Variants in CSMD1 observed in about 807,000 individuals in gnomAD.
CSMD1 encodes the protein CUB and sushi domain-containing protein 1.
Under a neutral mutation model 417.5 loss-of-function variants are expected in CSMD1, and 213 were observed. The observed-to-expected ratio is 0.51, with a 90% CI of 0.46 to 0.57. The LOEUF is 0.57. CSMD1 is among the 20% of genes least tolerant of loss of function. The pLI, the probability that CSMD1 is intolerant of heterozygous loss-of-function variation, is 0.00. For missense variants in CSMD1, 6,923 were observed against 4,529.7 expected (o/e 1.53, Z -15.17); for synonymous variants, 2,862 against 1,736.8 (o/e 1.65, Z -16.11).
In CSMD1 at chr8:3,565,979, T is replaced by C. The variant is rs1346895608; in HGVS notation, c.1344+8966A>G. Among the ~76,000 whole-genome samples, 7 of 152,308 alleles carry C rather than the reference T, an allele frequency of 4.6e-5. No individual in the cohort carries two copies. In the South Asian group the frequency reaches 8.3e-4, roughly 18 times the overall value. ...TATACGCATTCTCATGCCATTCCTT[T>C]CATCAATATAATACATTGACACCCC... On this transcript the variant is annotated intron_variant, in intron 10 of 69. Coordinates refer to ENST00000635120, the MANE Select transcript of CSMD1 (RefSeq NM_033225.6).
At chr8:3,418,059 G>T (rs1813268099) in intron 12 of CSMD1, among the ~76,000 whole-genome samples, 5 of 152,126 alleles carry the variant, frequency 3.3e-5, no homozygotes, top group Admixed American at 6.5e-5. Flanking sequence ...GCTTAATTAT[G>T]GTGCTCAGGG....
In CSMD1 at chr8:4,301,395, T is replaced by G. The variant is rs558849897; in HGVS notation, c.415+118558A>C. Among the ~76,000 whole-genome samples, 1,350 of 152,280 alleles carry G rather than the reference T, an allele frequency of 8.9e-3. 17 individuals are homozygous for G. The highest frequency in any genetic ancestry group is 0.011 in the Non-Finnish European group (760 of 68,022). On this transcript the variant is annotated intron_variant, in intron 3 of 69. Coordinates refer to ENST00000635120, the MANE Select transcript of CSMD1 (RefSeq NM_033225.6). ...CTTGGTAGCCAATGCTTTGATTCTG[T>G]TGTGTCTCCAGGATGGTACTGGGAA...
intron 27 of CSMD1, among the ~76,000 whole-genome samples, chr8:3,225,636 C>T (rs1245003279): frequency 2.0e-5 from 3 of 152,082 alleles, no homozygotes; most frequent in Non-Finnish European, 2.9e-5. Flanking sequence ...AGGGTGCTAC[C>T]AGCAGGAAGA....
In CSMD1 at chr8:4,174,541, CAAAAG is replaced by C. The variant is rs530503260; in HGVS notation, c.416-142447_416-142443del. On this transcript the variant is annotated intron_variant, in intron 3 of 69. Transcript: ENST00000635120. The stretch of plus-strand genomic sequence containing the variant: ...ATGACCCCCATGTCCACCCACCTCT[CAAAAG>C]AGATGTTTTTATAAATACTGCATGC... Among the ~76,000 whole-genome samples, 19 of 150,814 alleles carry C rather than the reference CAAAAG, an allele frequency of 1.3e-4. No homozygotes were observed. The East Asian group carries it at 3.8e-3, about 30-fold the overall frequency.
chr8:4,317,965 G>T (rs977163245), intron 3 of CSMD1, among the ~76,000 whole-genome samples: 2 of 152,074 alleles, frequency 1.3e-5, no homozygotes, highest in Non-Finnish European at 2.9e-5. Context: ...AAGGTATTTG[G>T]TATTTTATAA....
In CSMD1 at chr8:3,178,982, C is replaced by G. The variant is rs543557249; in HGVS notation, c.5725+2128G>C. Reference sequence around the variant, plus strand: ...TTTTTTTTTGAGACGGAGTCTCACTCTGTCACCCAGGCTGGAGTGCAGTGG... The same window carrying G: ...TTTTTTTTTGAGACGGAGTCTCACTGTGTCACCCAGGCTGGAGTGCAGTGG... On this transcript the variant is annotated intron_variant, in intron 37 of 69. Transcript: ENST00000635120. Among the ~76,000 whole-genome samples, 795 of 145,842 alleles carry G rather than the reference C, an allele frequency of 5.5e-3. 7 individuals carry two copies. Among genetic ancestry groups the G allele is most frequent in the African/African-American group, 0.019 (738 of 39,174 alleles).
intron 54 of CSMD1, among the ~76,000 whole-genome samples, chr8:2,983,244 T>G (rs988671878): frequency 6.6e-6 from 1 of 152,140 alleles, no homozygotes; most frequent in Admixed American, 6.5e-5. Flanking sequence ...TGGAGTGCAG[T>G]GGCACAATCT....
intron 1 of CSMD1, among the ~76,000 whole-genome samples, chr8:4,905,712 C>T (rs1036778877): frequency 4.2e-4 from 62 of 148,544 alleles, no homozygotes; most frequent in East Asian, 1.7e-3. Context: ...CCCAGCTCCT[C>T]GGGAGGCTGA....
chr8:4,659,807 T>A (rs554239772), intron 1 of CSMD1, among the ~76,000 whole-genome samples: 1 of 152,284 alleles, frequency 6.6e-6, no homozygotes, highest in African/African-American at 2.4e-5. Flanking sequence ...TTCATTTTAA[T>A]AATTTTTAAA....
intron 1 of CSMD1, among the ~76,000 whole-genome samples, chr8:4,678,862 T>A (rs1191900690): frequency 1.3e-5 from 2 of 152,220 alleles, no homozygotes; most frequent in African/African-American, 4.8e-5. Context: ...GCCCAGTAAC[T>A]GAAATTCTGT....
chr8:4,689,008 T>A (rs1471893340), intron 1 of CSMD1, among the ~76,000 whole-genome samples: 1 of 152,232 alleles, frequency 6.6e-6, no homozygotes, highest in Non-Finnish European at 1.5e-5. Flanking sequence ...TAGAACTAAA[T>A]TGTCTGTTCA....
intron 2 of CSMD1, among the ~76,000 whole-genome samples, chr8:4,565,147 C>T (rs1032090589): frequency 6.6e-6 from 1 of 152,214 alleles, no homozygotes; most frequent in East Asian, 1.9e-4. Flanking sequence ...ATCACTCAGC[C>T]TCAGACTGAT....
intron 26 of CSMD1, among the ~76,000 whole-genome samples, chr8:3,235,905 T>G (rs1799121099): frequency 6.8e-6 from 1 of 146,458 alleles, no homozygotes; most frequent in South Asian, 2.2e-4. Context: ...GCCAGTTATA[T>G]GAAGATGTAA....
intron 3 of CSMD1, among the ~76,000 whole-genome samples, chr8:4,418,176 G>T (rs944151591): frequency 6.6e-6 from 1 of 151,504 alleles, no homozygotes; most frequent in African/African-American, 2.4e-5. Context: ...GTCAACATCA[G>T]ACTATAATAT....
intron 3 of CSMD1, among the ~76,000 whole-genome samples, chr8:4,231,346 A>C (rs903536569): frequency 6.6e-6 from 1 of 152,100 alleles, no homozygotes; most frequent in African/African-American, 2.4e-5. Flanking sequence ...TCAATAAATC[A>C]CCTAGCATTG....
At chr8:3,774,289 A>G (rs781245494) in intron 5 of CSMD1, among the ~76,000 whole-genome samples, 2 of 152,082 alleles carry the variant, frequency 1.3e-5, no homozygotes, top group African/African-American at 2.4e-5. Context: ...TTGAATTCCA[A>G]TGTGTTCCCA....
chr8:3,592,700 G>GT (rs886651952), intron 8 of CSMD1, among the ~76,000 whole-genome samples: 8 of 149,154 alleles, frequency 5.4e-5, no homozygotes, highest in African/African-American at 2.1e-4. Flanking sequence ...ATCCGTGTGT[G>GT]TGTGTGTGTG....
At chr8:4,475,968 TTTTG>T (rs372246723) in intron 2 of CSMD1, among the ~76,000 whole-genome samples, 1 of 152,156 alleles carries the variant, frequency 6.6e-6, no homozygotes, top group Non-Finnish European at 1.5e-5. Flanking sequence ...TTGTCTGTAT[TTTTG>T]TTTATTTGCA....
Position 3,409,568 on chromosome 8 carries a change from G to T in CSMD1, c.1599C>A (p.Pro533=). The T allele has an allele frequency of 5.0e-6, 8 of 1,607,846 alleles. No individual in the cohort carries two copies. The South Asian group carries it at 8.9e-5, about 18-fold the overall frequency. ...EKGGCGDPGI[P]AYGKRTGSSF... The stretch of plus-strand genomic sequence containing the variant: ...TGCTGCCCGTCCGCTTCCCATAGGC[G>T]GGGATTCCAGGATCCCCACACCCTC... The change falls in exon 13 of 70, where the codon CCC becomes CCA. Residue 533 remains proline, a synonymous_variant. Coordinates refer to ENST00000635120, the MANE Select transcript of CSMD1 (RefSeq NM_033225.6).
Sources: gnomAD v4.1 joint callset for allele counts (sites outside exome capture counted in the v4.1 genomes callset) on GRCh38, gnomAD v4.1.1 for gene constraint, MANE v1.5 for transcripts, NCBI Gene and HGNC (gene_info 2026-07-23, HGNC 2026-07-21) for gene names.